The following LUZP2 variants were observed in gnomAD, a reference collection of about 807,000 sequenced individuals.
LUZP2 encodes the protein leucine zipper protein 2.
Under a neutral mutation model 51.6 loss-of-function variants are expected in LUZP2, and 52 were observed. The ratio of observed to expected loss-of-function variants is 1.01; its 90% CI spans 0.81 to 1.27. LUZP2 has a LOEUF of 1.27. LUZP2 is among the 50% of genes most tolerant of loss of function. The pLI is 0.00. For missense variants in LUZP2, 436 were observed against 395.4 expected (o/e 1.10, Z -0.87); for synonymous variants, 154 against 137.3 (o/e 1.12, Z -0.85).
In LUZP2 at chr11:24,878,601, A is replaced by T. The variant is rs372657366; in HGVS notation, c.397-27390A>T. Among the ~76,000 whole-genome samples the T allele has an allele frequency of 8.6e-5, 13 of 151,942 alleles. No individual in the cohort carries two copies. The East Asian group carries it at 1.2e-3, about 14-fold the overall frequency. On this transcript the variant is annotated intron_variant, in intron 5 of 11. Coordinates refer to ENST00000336930, the MANE Select transcript of LUZP2 (RefSeq NM_001009909.4). ...ATTAATATCTTTCCCTAAGTTTGAGAAGTTTTCTGTTATTATCCCTTTTAG... is the reference window on the plus strand; with the variant it reads ...ATTAATATCTTTCCCTAAGTTTGAGTAGTTTTCTGTTATTATCCCTTTTAG...
chr11:24,881,609 G>T (rs772189015), intron 5 of LUZP2, among the ~76,000 whole-genome samples: 1 of 151,982 alleles, frequency 6.6e-6, no homozygotes, highest in Non-Finnish European at 1.5e-5. Context: ...ACCACTTCTG[G>T]CTGGGAACAC....
In LUZP2 at chr11:24,983,212, A is replaced by C; in HGVS notation, c.684A>C (p.Leu228Phe). 6.2e-7 allele frequency: 1 copy of C among 1,612,306 alleles called. No homozygotes were observed. The highest frequency in any genetic ancestry group is 8.5e-7 in the Non-Finnish European group (1 of 1,178,886). The change falls in exon 9 of 12, where the codon TTA becomes TTC. Residue 228 changes from leucine to phenylalanine, a missense_variant. Transcript: ENST00000336930. ...FRDQPPPPLS[L>F]ITSNPTRMLL... ...ATCAGCCTCCTCCCCCTTTGAGTTT[A>C]ATCACATCAAATCCAACTCGGATGT...
At chr11:24,762,863 C>A in intron 4 of LUZP2, 1 of 337,892 alleles carries the variant, frequency 3.0e-6, no homozygotes, top group Non-Finnish European at 4.2e-6. Flanking sequence ...GGCGACAGGT[C>A]ATAATTACCT....
At position 24,917,653 on chromosome 11, in the gene LUZP2, G is replaced by A. The variant is rs1853837550; in HGVS notation, c.522+3115G>A. On this transcript the variant is annotated intron_variant, in intron 7 of 11. Transcript: ENST00000336930. ...AAAGATCAGATGGTTGTAGATGTGT[G>A]GTATTATTTCTGAGGGCTCTGTTCT... 2.6e-5 allele frequency among the ~76,000 whole-genome samples: 4 copies of A among 151,920 alleles called. No homozygotes were observed. In the South Asian group the frequency reaches 8.3e-4, roughly 32 times the overall value.
At chr11:24,745,541 C>T (rs967074124) in intron 4 of LUZP2, among the ~76,000 whole-genome samples, 3 of 152,088 alleles carry the variant, frequency 2.0e-5, no homozygotes, top group African/African-American at 7.2e-5. Context: ...GCTTGCTTTT[C>T]GTGTCCATTT....
chr11:24,747,496 T>C (rs999750585), intron 4 of LUZP2, among the ~76,000 whole-genome samples: 4 of 151,806 alleles, frequency 2.6e-5, no homozygotes, highest in Non-Finnish European at 5.9e-5. Flanking sequence ...GCTCTGGTGG[T>C]TTCATGTTCT....
chr11:25,076,629 A>AAAAAGAG (rs1859308828), intron 10 of LUZP2, among the ~76,000 whole-genome samples: 1 of 123,816 alleles, frequency 8.1e-6, no homozygotes, highest in African/African-American at 3.1e-5. Flanking sequence ...GAAGGAAGGG[A>AAAAAGAG]GGAAGGGAAA....
intron 5 of LUZP2, among the ~76,000 whole-genome samples, chr11:24,774,360 C>T (rs542779584): frequency 2.6e-5 from 2 of 76,172 alleles, no homozygotes; most frequent in Non-Finnish European, 5.0e-5. Flanking sequence ...CTCTCTCTCT[C>T]TCTATATATA....
intron 1 of LUZP2, among the ~76,000 whole-genome samples, chr11:24,703,324 G>A (rs560314955): frequency 6.6e-6 from 1 of 152,194 alleles, no homozygotes; most frequent in Non-Finnish European, 1.5e-5. Flanking sequence ...TATTATGGGT[G>A]GTCTGGGTAG....
intron 1 of LUZP2, among the ~76,000 whole-genome samples, chr11:24,606,279 A>G (rs1469543184): frequency 2.6e-5 from 4 of 151,988 alleles, no homozygotes; most frequent in African/African-American, 9.7e-5. Flanking sequence ...CTATACTTCA[A>G]TATAGTATTA....
intron 5 of LUZP2, among the ~76,000 whole-genome samples, chr11:24,777,046 G>A (rs1848948732): frequency 6.7e-6 from 1 of 150,276 alleles, no homozygotes; most frequent in African/African-American, 2.5e-5. Context: ...CCAGGCTGGA[G>A]TGCAGTGGTG....
intron 5 of LUZP2, among the ~76,000 whole-genome samples, chr11:24,894,827 T>A (rs1279659999): frequency 6.6e-6 from 1 of 152,130 alleles, no homozygotes; most frequent in African/African-American, 2.4e-5. Flanking sequence ...CTGGGGGCAA[T>A]TGAGAACGGG....
intron 10 of LUZP2, among the ~76,000 whole-genome samples, chr11:25,069,135 T>C (rs1859081456): frequency 6.6e-6 from 1 of 151,978 alleles, no homozygotes; most frequent in Admixed American, 6.6e-5. Context: ...CAAACTGTGT[T>C]GTTACCTGAG....
intron 2 of LUZP2, among the ~76,000 whole-genome samples, chr11:24,731,231 G>A (rs749401201): frequency 9.2e-5 from 14 of 151,660 alleles, no homozygotes; most frequent in Non-Finnish European, 1.6e-4. Context: ...ATGACTTTGC[G>A]TAGGTCTTTG....
At chr11:24,864,227 C>G (rs1320106663) in intron 5 of LUZP2, among the ~76,000 whole-genome samples, 1 of 152,042 alleles carries the variant, frequency 6.6e-6, no homozygotes, top group African/African-American at 2.4e-5. Context: ...TTTGAAGTTT[C>G]TATGATGTAG....
intron 5 of LUZP2, among the ~76,000 whole-genome samples, chr11:24,764,667 TA>T (rs1262081605): frequency 6.6e-6 from 1 of 151,486 alleles, no homozygotes; most frequent in Non-Finnish European, 1.5e-5. Context: ...CTGTCTCTAT[TA>T]AAAATAAGTT....
At chr11:24,746,129 G>A (rs1170774290) in intron 4 of LUZP2, among the ~76,000 whole-genome samples, 1 of 152,074 alleles carries the variant, frequency 6.6e-6, no homozygotes, top group Non-Finnish European at 1.5e-5. Flanking sequence ...TTTTTAAATT[G>A]TATTTTTGTT....
At chr11:24,886,204 A>C (rs996969979) in intron 5 of LUZP2, among the ~76,000 whole-genome samples, 3 of 152,214 alleles carry the variant, frequency 2.0e-5, no homozygotes, top group Non-Finnish European at 2.9e-5. Flanking sequence ...ACTTTTTAGT[A>C]AAAATATTTA....
intron 9 of LUZP2, among the ~76,000 whole-genome samples, chr11:24,991,297 A>G (rs1050274499): frequency 6.7e-6 from 1 of 150,014 alleles, no homozygotes; most frequent in African/African-American, 2.4e-5. Flanking sequence ...AATGCCATTA[A>G]TTTATTCCTT....
Sources: allele counts gnomAD v4.1 joint callset (sites outside exome capture counted in the v4.1 genomes callset), GRCh38; gene constraint gnomAD v4.1.1; transcripts MANE v1.5; gene names NCBI Gene and HGNC (gene_info 2026-07-23, HGNC 2026-07-21).